NECTIN1: variants seen among roughly 807,000 people sequenced by gnomAD.
NECTIN1 encodes the protein nectin cell adhesion molecule 1.
Under a neutral mutation model 48.0 loss-of-function variants are expected in NECTIN1, and 23 were observed. That is an observed-to-expected ratio of 0.48 (90% CI 0.34 to 0.68). The LOEUF is 0.68. Among genes scored for constraint, NECTIN1 ranks in the 30% least tolerant of loss-of-function variants. NECTIN1 has a pLI of 0.01. For synonymous variants in NECTIN1, 270 were observed against 288.9 expected, an observed-to-expected ratio of 0.93 and a Z score of 0.66; for missense variants, 591 against 709.9, an observed-to-expected ratio of 0.83 and a Z score of 1.90.
At chr11:119,686,426 C>T (rs560668301) in intron 1 of NECTIN1, among the ~76,000 whole-genome samples, 1 of 152,316 alleles carries the variant, frequency 6.6e-6, no homozygotes, top group African/African-American at 2.4e-5. Flanking sequence ...TGCTGCATCA[C>T]GCTAAGTCTA....
chr11:119,666,544 A>G (rs1241884023), intron 5 of NECTIN1, among the ~76,000 whole-genome samples: 1 of 152,220 alleles, frequency 6.6e-6, no homozygotes, highest in Non-Finnish European at 1.5e-5. Context: ...GCTAAGGGAA[A>G]TGGTTCCTGG....
chr11:119,660,506 G>A (rs575644696), downstream of NECTIN1, among the ~76,000 whole-genome samples: 10 of 152,242 alleles, frequency 6.6e-5, no homozygotes, highest in Admixed American at 1.3e-4. Context: ...GCTCTTCTCC[G>A]TCCCCAGGGA....
Position 119,678,763 on chromosome 11 carries a change from C to A in NECTIN1, c.82G>T (p.Val28Phe). 1 of 1,602,842 alleles carries A rather than the reference C, an allele frequency of 6.2e-7. No individual in the cohort carries two copies. The highest frequency in any genetic ancestry group is 8.5e-7 in the Non-Finnish European group (1 of 1,174,744). ...LGLTAFFLPGVHSQVVQVNDS... is the reference protein window; with the variant it reads ...LGLTAFFLPGFHSQVVQVNDS... ...TTCACCTGGACCACCTGGGAGTGGA[C>A]GCCTGGCCAGGAGGATGGCAGCAAG... The change falls in exon 2 of 6, where the codon GTC becomes TTC. Residue 28 changes from valine to phenylalanine, a missense_variant and splice_region_variant. Coordinates refer to ENST00000264025, the MANE Select transcript of NECTIN1 (RefSeq NM_002855.5). This position sits in a 1 kb window ranked among gnomAD's most constrained non-coding sequence, Gnocchi z 4.4.
At chr11:119,687,862 T>C (rs923324768) in intron 1 of NECTIN1, among the ~76,000 whole-genome samples, 21 of 152,080 alleles carry the variant, frequency 1.4e-4, no homozygotes, top group Admixed American at 9.2e-4. Flanking sequence ...CCTGTCCAGC[T>C]ATGGGCAGCT....
intron 1 of NECTIN1, among the ~76,000 whole-genome samples, chr11:119,726,618 C>G (rs763028401): frequency 6.6e-6 from 1 of 152,188 alleles, no homozygotes; most frequent in Non-Finnish European, 1.5e-5. Flanking sequence ...TGGAGCACAG[C>G]AGGCCTCTAG....
At chr11:119,638,506 G>A (rs1864270886) in intron 7 of NECTIN1, among the ~76,000 whole-genome samples, 1 of 152,188 alleles carries the variant, frequency 6.6e-6, no homozygotes, top group South Asian at 2.1e-4. Context: ...GGACTGTGAG[G>A]TAGAGGAAGA....
rs1203445749 is a variant in NECTIN1, at chr11:119,665,964, G to A, written c.1004-667C>T. Among the ~76,000 whole-genome samples the A allele has an allele frequency of 6.6e-6, 1 of 152,182 alleles. No homozygotes were observed. The highest frequency in any genetic ancestry group is 1.5e-5 in the Non-Finnish European group (1 of 68,032). ...CAGGTTCCCAGGCACTGGCTCAGGAGATGCCCCGTGAGTGCCAATCAGCTG... is the reference window on the plus strand; with the variant it reads ...CAGGTTCCCAGGCACTGGCTCAGGAAATGCCCCGTGAGTGCCAATCAGCTG... On this transcript the variant is annotated intron_variant, in intron 5 of 5. Transcript: ENST00000264025. This position sits in a 1 kb window ranked among gnomAD's most constrained non-coding sequence, Gnocchi z 5.1.
Position 119,678,728 on chromosome 11 carries a change from C to T in NECTIN1, c.117G>A (p.Met39Ile), listed in dbSNP as rs1175998943. Residue 39 changes from methionine to isoleucine, a missense_variant, in exon 2 of 6, where the codon ATG becomes ATA. Coordinates refer to ENST00000264025, the MANE Select transcript of NECTIN1 (RefSeq NM_002855.5). This position sits in a 1 kb window ranked among gnomAD's most constrained non-coding sequence, Gnocchi z 4.4. ...CCACGTCTGTGCCGATGAAGCCATACATGGAGTCGTTCACCTGGACCACCT... is the reference window on the plus strand; with the variant it reads ...CCACGTCTGTGCCGATGAAGCCATATATGGAGTCGTTCACCTGGACCACCT... ...HSQVVQVNDSMYGFIGTDVVL... is the reference protein window; with the variant it reads ...HSQVVQVNDSIYGFIGTDVVL... 1 of 1,613,226 alleles carries T rather than the reference C, an allele frequency of 6.2e-7. No individual in the cohort carries two copies. The highest frequency in any genetic ancestry group is 8.5e-7 in the Non-Finnish European group (1 of 1,179,758).
intron 5 of NECTIN1, among the ~76,000 whole-genome samples, chr11:119,654,930 A>G (rs181807297): frequency 6.6e-6 from 1 of 151,152 alleles, no homozygotes; most frequent in African/African-American, 2.4e-5. Context: ...TATTTTTGAG[A>G]TGAAGTTTTA....
Position 119,677,019 on chromosome 11 carries a change from C to T in NECTIN1, c.851+83G>A, listed in dbSNP as rs1565387366. ...TAATTTCTTCCCTGCCTAAAGGCTC[C>T]TGGAGGTAGGATGGTTGCCCCTCAT... On this transcript the variant is annotated intron_variant, in intron 4 of 5. Coordinates refer to ENST00000264025, the MANE Select transcript of NECTIN1 (RefSeq NM_002855.5). The surrounding 1 kb of genome is among the most constrained non-coding windows in gnomAD (Gnocchi z 5.4). The T allele has an allele frequency of 8.1e-7, 1 of 1,227,166 alleles. No homozygotes were observed. The highest frequency in any genetic ancestry group is 2.3e-5 in the East Asian group (1 of 43,114). 76.0% of individuals were successfully genotyped at this position (1,227,166 alleles called of 1,614,324 possible).
At chr11:119,639,900 C>T (rs374812698) in exon 6 of NECTIN1, 1 of 1,614,052 alleles carries the variant, frequency 6.2e-7, no homozygotes, top group African/African-American at 1.3e-5. Context: ...TCTTCTGCTG[C>T]CGGTTGTACA....
chr11:119,690,000 C>T (rs370786984), intron 1 of NECTIN1, among the ~76,000 whole-genome samples: 5 of 152,242 alleles, frequency 3.3e-5, no homozygotes, highest in South Asian at 2.1e-4. Flanking sequence ...TCAAATTGCA[C>T]GTAACGTCTG....
chr11:119,676,459 C>A (rs1864950076), intron 4 of NECTIN1, among the ~76,000 whole-genome samples: 1 of 152,248 alleles, frequency 6.6e-6, no homozygotes, highest in Non-Finnish European at 1.5e-5. Context: ...CCCATATCAA[C>A]CTTCTCCTTG....
intron 5 of NECTIN1, chr11:119,654,247 TCATCCATCCATCCATCCATCCATCCATC>T (rs10531420): frequency 1.0e-4 from 15 of 150,154 alleles, no homozygotes; most frequent in Non-Finnish European, 1.3e-4. Flanking sequence ...ATCTGAATAT[TCATCCATCCATCCATCCATCCATCCATC>T]CATCCATCCA....
chr11:119,660,628 C>G (rs540505692), downstream of NECTIN1, among the ~76,000 whole-genome samples: 28 of 152,226 alleles, frequency 1.8e-4, no homozygotes, highest in African/African-American at 6.3e-4. Context: ...GAATCTGGGG[C>G]AGGAGGCACC....
intron 1 of NECTIN1, among the ~76,000 whole-genome samples, chr11:119,720,430 A>T (rs1032475639): frequency 6.6e-6 from 1 of 152,242 alleles, no homozygotes; most frequent in Non-Finnish European, 1.5e-5. Context: ...GGGCAGACTC[A>T]CATCTGCCCC....
chr11:119,665,372 A>G lies in NECTIN1; in HGVS notation c.1004-75T>C. The stretch of plus-strand genomic sequence containing the variant: ...GGTGTAGAGGGGGTGGGAGGGAGGC[A>G]GGGAAAGGAGAGGCCAGGAAGGACA... On this transcript the variant is annotated intron_variant, in intron 5 of 5. Transcript: ENST00000264025. This position sits in a 1 kb window ranked among gnomAD's most constrained non-coding sequence, Gnocchi z 5.1. 1 of 1,495,014 alleles carries G rather than the reference A, an allele frequency of 6.7e-7. No homozygotes were observed. The highest frequency in any genetic ancestry group is 2.3e-5 in the East Asian group (1 of 42,988). The allele number at this position is 1,495,014 out of a possible 1,614,324, so 92.6% of individuals were successfully genotyped here.
At position 119,662,088 on chromosome 11, in the gene NECTIN1, C is replaced by A; in HGVS notation, c.*2659G>T. On this transcript the variant is annotated 3_prime_UTR_variant, in exon 6 of 6. Transcript: ENST00000264025. The surrounding 1 kb of genome is among the most constrained non-coding windows in gnomAD (Gnocchi z 5.3). Reference sequence around the variant, plus strand: ...TGGGGGGCAAGGACAGGGAGGGCAACAAGAGGCAGGATGACAACTGGGGAG... The same window carrying A: ...TGGGGGGCAAGGACAGGGAGGGCAAAAAGAGGCAGGATGACAACTGGGGAG... 1.0e-6 allele frequency: 1 copy of A among 985,496 alleles called. No individual in the cohort carries two copies. Among genetic ancestry groups the A allele is most frequent in the Non-Finnish European group, 1.2e-6 (1 of 829,958 alleles). 61.0% of individuals were successfully genotyped at this position (985,496 alleles called of 1,614,324 possible). A position where few individuals can be genotyped will look rare whatever the true frequency, so the allele number is the denominator to read the frequency against.
intron 1 of NECTIN1, among the ~76,000 whole-genome samples, chr11:119,707,842 T>C (rs1254626730): frequency 6.6e-6 from 1 of 152,240 alleles, no homozygotes; most frequent in Non-Finnish European, 1.5e-5. Flanking sequence ...GACACTCTTC[T>C]ACCCCTGCTT....
Sources: gnomAD v4.1 joint callset for allele counts (sites outside exome capture counted in the v4.1 genomes callset) on GRCh38, gnomAD v4.1.1 for gene constraint, Gnocchi (gnomAD v3.1) non-coding constraint, MANE v1.5 for transcripts, NCBI Gene and HGNC (gene_info 2026-07-23, HGNC 2026-07-21) for gene names.